Variants in CR2 observed in about 807,000 individuals in gnomAD.
The protein encoded by CR2 is complement C3d receptor 2, also known as complement receptor type 2.
Under a neutral mutation model 123.0 loss-of-function variants are expected in CR2, and 96 were observed. The observed-to-expected ratio is 0.78, with a 90% CI of 0.66 to 0.93. The LOEUF is 0.93. Ranked by LOEUF, CR2 falls within the 40% of genes least tolerant of loss-of-function variation. The pLI is 0.00. For synonymous variants in CR2, 484 were observed against 469.5 expected, an observed-to-expected ratio of 1.03 and a Z score of -0.40; for missense variants, 1,258 against 1,361.0, an observed-to-expected ratio of 0.92 and a Z score of 1.19.
intron 9 of CR2, 110 bp from the exon 10 acceptor site, chr1:207,472,662 C>G (rs1277694147): frequency 1.7e-5 from 18 of 1,081,434 alleles, no homozygotes; most frequent in Non-Finnish European, 2.3e-5. Context: ...GAAAATGTAC[C>G]CATACCGTCC....
In CR2 at chr1:207,454,570, G is replaced by A. The variant is rs1353383346; in HGVS notation, c.58+94G>A. 6 of 977,712 alleles carry A rather than the reference G, an allele frequency of 6.1e-6. No individual in the cohort carries two copies. The highest frequency in any genetic ancestry group is 8.9e-6 in the Non-Finnish European group (6 of 675,562). 60.6% of individuals were successfully genotyped at this position (977,712 alleles called of 1,614,324 possible). ...CAAAGCAGGGGGCCAAAAGCGAGAC[G>A]GTGGGGGCAGTGCTCGACGCGTGTC... On this transcript the variant is annotated intron_variant, in intron 1 of 19. Coordinates refer to ENST00000367057, the MANE Select transcript of CR2 (RefSeq NM_001006658.3). The surrounding 1 kb of genome is among the most constrained non-coding windows in gnomAD (Gnocchi z 4.3).
At chr1:207,471,227 A>G (rs529916567) in intron 8 of CR2, 140 bp downstream of exon 8, 2 of 951,686 alleles carry the variant, frequency 2.1e-6, no homozygotes, top group Admixed American at 1.8e-5. Context: ...TCACATGGTC[A>G]TGGAAGTGTC....
At position 207,474,217 on chromosome 1, in the gene CR2, G is replaced by A. The variant is rs1251071771; in HGVS notation, c.2241-24G>A. The stretch of plus-strand genomic sequence containing the variant: ...AGATATGATATTGGGAACAGGAAAT[G>A]CATTATAATCTGTCTCTCTGTAGGT... On this transcript the variant is annotated intron_variant, in intron 12 of 19. Coordinates refer to ENST00000367057, the MANE Select transcript of CR2 (RefSeq NM_001006658.3). The A allele has an allele frequency of 1.0e-5, 16 of 1,539,862 alleles. No individual in the cohort carries two copies. The East Asian group carries it at 2.7e-4, about 26-fold the overall frequency.
At position 207,470,848 on chromosome 1, in the gene CR2, T is replaced by C; in HGVS notation, c.1334T>C (p.Leu445Pro). 6.2e-7 allele frequency: 1 copy of C among 1,613,942 alleles called. No homozygotes were observed. Among genetic ancestry groups the C allele is most frequent in the Non-Finnish European group, 8.5e-7 (1 of 1,179,896 alleles). Residue 445 changes from leucine to proline, a missense_variant, in exon 7 of 20, where the codon CTG becomes CCG. By Grantham distance (98) the Leu-to-Pro change is moderately conservative. Coordinates refer to ENST00000367057, the MANE Select transcript of CR2 (RefSeq NM_001006658.3). Reference sequence around the variant, plus strand: ...TATAGCTGTAACCCTGGCTATGTGCTGGTGGGAGAAGAATCCATACAGTGT... The same window carrying C: ...TATAGCTGTAACCCTGGCTATGTGCCGGTGGGAGAAGAATCCATACAGTGT... ...IKYSCNPGYV[L>P]VGEESIQCTS...
chr1:207,474,732 A>G, intron 13 of CR2, 92 bp from the exon 14 acceptor site: 1 of 1,310,964 alleles, frequency 7.6e-7, no homozygotes, highest in Admixed American at 1.7e-5. Context: ...TATGTGAAAT[A>G]TATGCAGTTG....
In CR2 at chr1:207,474,822, A is replaced by C; in HGVS notation, c.2324-2A>C. 6.2e-7 allele frequency: 1 copy of C among 1,614,004 alleles called. No individual in the cohort carries two copies. The highest frequency in any genetic ancestry group is 8.5e-7 in the Non-Finnish European group (1 of 1,179,910). ...GTAGAACTCCCTAAATCTCTTCTGCAGTTATTCACTGTCACCCTCCACCAG... is the reference window on the plus strand; with the variant it reads ...GTAGAACTCCCTAAATCTCTTCTGCCGTTATTCACTGTCACCCTCCACCAG... On this transcript the variant is annotated splice_acceptor_variant, in intron 13 of 19. Coordinates refer to ENST00000367057, the MANE Select transcript of CR2 (RefSeq NM_001006658.3). LOFTEE classifies it high-confidence loss of function.
intron 1 of CR2, among the ~76,000 whole-genome samples, chr1:207,455,972 C>T (rs1210069607): frequency 6.6e-6 from 1 of 152,194 alleles, no homozygotes; most frequent in African/African-American, 2.4e-5. Context: ...TGTGTAACAA[C>T]CTCATCTCTT....
chr1:207,468,518 T>C lies in CR2; in HGVS notation c.446-9T>C, dbSNP rs781713410. ...GACGGCTTTTTTTTCCTGGTATGTG[T>C]GTGTAAAGTTTTCCCTCTCGAGTGT... On this transcript the variant is annotated splice_polypyrimidine_tract_variant and intron_variant, in intron 2 of 19. Coordinates refer to ENST00000367057, the MANE Select transcript of CR2 (RefSeq NM_001006658.3). 1.2e-6 allele frequency: 2 copies of C among 1,613,694 alleles called. No individual in the cohort carries two copies. The highest frequency in any genetic ancestry group is 2.2e-5 in the East Asian group (1 of 44,874).
chr1:207,474,880 G>A lies in CR2; in HGVS notation c.2380G>A (p.Ala794Thr). ...CAATGGGAAGCACACAGGCATGATG[G>A]CAGAAAACTTTCTATATGGAAATGA... ...IVNGKHTGMM[A>T]ENFLYGNEVS... Residue 794 changes from alanine (A) to threonine (T), a missense_variant, in exon 14 of 20, where the codon GCA becomes ACA. Transcript: ENST00000367057. The A allele has an allele frequency of 6.2e-7, 1 of 1,614,044 alleles. No homozygotes were observed. The highest frequency in any genetic ancestry group is 1.3e-5 in the African/African-American group (1 of 75,016).
rs1424015710 is a variant in CR2, at chr1:207,485,503, T to C, written c.3228T>C (p.His1076=). ...ATACAAGCCAGAAAGAAGCTTTTCATTTAGAAGCACGAGAAGTATATTCTG... is the reference window on the plus strand; with the variant it reads ...ATACAAGCCAGAAAGAAGCTTTTCACTTAGAAGCACGAGAAGTATATTCTG... ...YTDTSQKEAF[H]LEAREVYSVD... Residue 1076 remains histidine, a synonymous_variant, in exon 19 of 20, where the codon CAT becomes CAC. Transcript: ENST00000367057. 1.9e-6 allele frequency: 3 copies of C among 1,613,370 alleles called. No individual in the cohort carries two copies. Among genetic ancestry groups the C allele is most frequent in the Non-Finnish European group, 2.5e-6 (3 of 1,179,466 alleles).
intron 1 of CR2, among the ~76,000 whole-genome samples, chr1:207,464,078 G>A (rs965521701): frequency 2.0e-4 from 31 of 152,086 alleles, no homozygotes; most frequent in Admixed American, 3.9e-4. Context: ...AACATTCCAG[G>A]AGATTACACA....
chr1:207,488,214 AAG>A (rs1423768166), intron 19 of CR2, among the ~76,000 whole-genome samples: 2 of 152,342 alleles, frequency 1.3e-5, no homozygotes, highest in East Asian at 3.9e-4. Context: ...AGATAATATC[AAG>A]ATGAAGAAAT....
chr1:207,472,600 T>C (rs1312994228), intron 9 of CR2, among the ~76,000 whole-genome samples, 172 bp from the exon 10 acceptor site: 1 of 152,234 alleles, frequency 6.6e-6, no homozygotes, highest in Non-Finnish European at 1.5e-5. Context: ...CTATGAAATG[T>C]GTTTAAATTG....
At chr1:207,485,658 A>C in intron 19 of CR2, 86 bp downstream of exon 19, 1 of 770,154 alleles carries the variant, frequency 1.3e-6, no homozygotes, top group East Asian at 2.7e-5. Flanking sequence ...TTCACGGTGT[A>C]TATACATGCT....
At chr1:207,473,319 T>A in intron 10 of CR2, 140 bp downstream of exon 10, 1 of 1,151,466 alleles carries the variant, frequency 8.7e-7, no homozygotes, top group Non-Finnish European at 1.2e-6. Flanking sequence ...TAATAGATGT[T>A]CTCTGTGTTG....
chr1:207,486,534 T>G (rs1658754474), intron 19 of CR2, among the ~76,000 whole-genome samples: 1 of 147,206 alleles, frequency 6.8e-6, no homozygotes, highest in Non-Finnish European at 1.5e-5. Flanking sequence ...TTTGGAAGCT[T>G]TTAAGGAGAG....
intron 19 of CR2, 22 bp downstream of exon 19, chr1:207,485,594 T>A (rs767345962): frequency 7.4e-7 from 1 of 1,343,394 alleles, no homozygotes; most frequent in Admixed American, 1.7e-5. Flanking sequence ...AATGGAATAT[T>A]ATTAATTTAC....
intron 14 of CR2, among the ~76,000 whole-genome samples, chr1:207,475,928 C>A (rs755654531): frequency 1.3e-5 from 2 of 152,146 alleles, no homozygotes; most frequent in Non-Finnish European, 2.9e-5. Flanking sequence ...GAAGGTGTAA[C>A]CATGTCTGCT....
chr1:207,455,845 A>C (rs778980309), intron 1 of CR2, among the ~76,000 whole-genome samples: 1 of 152,148 alleles, frequency 6.6e-6, no homozygotes, highest in South Asian at 2.1e-4. Context: ...AGGTCACTTA[A>C]CTGGAGCCCC....
Sources: gnomAD v4.1 joint callset for allele counts (sites outside exome capture counted in the v4.1 genomes callset) on GRCh38, gnomAD v4.1.1 for gene constraint, Gnocchi (gnomAD v3.1) non-coding constraint, MANE v1.5 for transcripts, NCBI Gene and HGNC (gene_info 2026-07-23, HGNC 2026-07-21) for gene names.